The following BFSP2 variants were observed in gnomAD, a reference collection of about 807,000 sequenced individuals.
BFSP2 encodes the protein phakinin.
A neutral mutation model predicts 44.9 loss-of-function variants in BFSP2; 38 were observed. The observed-to-expected ratio is 0.85, with a 90% CI of 0.65 to 1.11. BFSP2 has a LOEUF of 1.11. BFSP2 is among the 50% of genes least tolerant of loss of function. BFSP2 has a pLI of 0.00. For synonymous variants in BFSP2, 197 were observed against 209.9 expected, an observed-to-expected ratio of 0.94 and a Z score of 0.53; for missense variants, 525 against 533.0, an observed-to-expected ratio of 0.99 and a Z score of 0.15.
intron 1 of BFSP2, among the ~76,000 whole-genome samples, chr3:133,416,105 A>T (rs1322342279): frequency 9.8e-6 from 1 of 101,760 alleles, no homozygotes; most frequent in Non-Finnish European, 1.9e-5. Flanking sequence ...GCTATGTCCC[A>T]TCTACTCACC....
intron 1 of BFSP2, among the ~76,000 whole-genome samples, chr3:133,403,583 T>C (rs1208317332): frequency 6.6e-6 from 1 of 152,210 alleles, no homozygotes; most frequent in Non-Finnish European, 1.5e-5. Flanking sequence ...GATGTCCATT[T>C]TGGTGGCACT....
chr3:133,412,447 T>C (rs903569505), intron 1 of BFSP2: 32 of 152,260 alleles, frequency 2.1e-4, no homozygotes, highest in African/African-American at 6.5e-4. Flanking sequence ...CATGAGCGCG[T>C]TGATCAACCG....
intron 4 of BFSP2, among the ~76,000 whole-genome samples, chr3:133,462,519 G>A (rs2074073516): frequency 6.6e-6 from 1 of 152,162 alleles, no homozygotes; most frequent in African/African-American, 2.4e-5. Context: ...TTTGAAACTT[G>A]CCTCCATTCC....
intron 1 of BFSP2, among the ~76,000 whole-genome samples, chr3:133,411,681 A>G (rs1028537601): frequency 2.0e-5 from 3 of 151,024 alleles, no homozygotes; most frequent in Non-Finnish European, 4.4e-5. Context: ...CTTGAAGCCA[A>G]TAGAGGGAAG....
intron 4 of BFSP2, among the ~76,000 whole-genome samples, chr3:133,461,047 T>G (rs1359345758): frequency 1.3e-5 from 2 of 152,160 alleles, no homozygotes; most frequent in African/African-American, 4.8e-5. Flanking sequence ...TCACTCTCCC[T>G]CCTCCTGAAC....
intron 1 of BFSP2, among the ~76,000 whole-genome samples, chr3:133,420,217 G>T (rs897938550): frequency 6.6e-6 from 1 of 152,248 alleles, no homozygotes; most frequent in East Asian, 1.9e-4. Flanking sequence ...GGAGGGGCTT[G>T]TTATGAGGTT....
chr3:133,414,885 ATC>A (rs2073499531), intron 1 of BFSP2, among the ~76,000 whole-genome samples: 1 of 82,796 alleles, frequency 1.2e-5, no homozygotes, highest in Non-Finnish European at 2.2e-5. Context: ...CCCTCTACTC[ATC>A]CCTGTCCTCT....
rs1049584805 is a variant in BFSP2 at position 133,447,246 on chromosome 3, C to T, written c.490-71C>T. 9 of 1,534,962 alleles carry T rather than the reference C, an allele frequency of 5.9e-6. No individual in the cohort carries two copies. In the East Asian group the frequency reaches 9.0e-5, roughly 15 times the overall value. The stretch of plus-strand genomic sequence containing the variant: ...TCCCCCAGAGCCTCTGTGCCTAACA[C>T]AAGTCATGGTGGTAAGTGATCTTGA... On this transcript the variant is annotated intron_variant, in intron 1 of 6. Transcript: ENST00000302334.
chr3:133,429,897 C>A (rs575767179), intron 1 of BFSP2, among the ~76,000 whole-genome samples: 7 of 151,548 alleles, frequency 4.6e-5, no homozygotes, highest in African/African-American at 1.5e-4. Context: ...TAATGCTATC[C>A]CTCCCCACTA....
intron 1 of BFSP2, among the ~76,000 whole-genome samples, chr3:133,419,291 T>C (rs183746678): frequency 2.0e-5 from 3 of 152,250 alleles, no homozygotes; most frequent in African/African-American, 7.2e-5. Flanking sequence ...GCACAGGAAT[T>C]TGGGGGAGGA....
chr3:133,414,469 T>C (rs1189708934), intron 1 of BFSP2, among the ~76,000 whole-genome samples: 5 of 45,428 alleles, frequency 1.1e-4, no homozygotes, highest in East Asian at 7.3e-4. Flanking sequence ...ACCCCTGCCC[T>C]CTCTCCTCTA....
Position 133,466,167 on chromosome 3 carries a change from C to CGG in BFSP2, c.892-654_892-653dup, listed in dbSNP as rs35325595. 3.9e-3 allele frequency among the ~76,000 whole-genome samples: 584 copies of CGG among 150,912 alleles called. 2 individuals carry two copies. Among genetic ancestry groups the CGG allele is most frequent in the East Asian group, 0.021 (110 of 5,120 alleles). On this transcript the variant is annotated intron_variant, in intron 4 of 6. Coordinates refer to ENST00000302334, the MANE Select transcript of BFSP2 (RefSeq NM_003571.4). ...CTAAGATACTTTAAGTACCAAAGCA[C>CGG]GGGGGGGGCAATACATATTTATTTA... is the stretch of plus-strand genomic sequence containing the variant.
intron 4 of BFSP2, among the ~76,000 whole-genome samples, chr3:133,461,260 A>G (rs972416087): frequency 3.9e-5 from 6 of 152,168 alleles, no homozygotes; most frequent in Non-Finnish European, 8.8e-5. Context: ...CTTAGAACAC[A>G]TTGCTTTTCT....
At chr3:133,419,218 C>A (rs2073571152) in intron 1 of BFSP2, among the ~76,000 whole-genome samples, 1 of 152,166 alleles carries the variant, frequency 6.6e-6, no homozygotes, top group Non-Finnish European at 1.5e-5. Context: ...AACCGAATTA[C>A]CTCTTTAAAG....
At chr3:133,450,554 TAAC>T (rs2073954055) in intron 4 of BFSP2, 90 bp downstream of exon 4, 2 of 1,473,100 alleles carry the variant, frequency 1.4e-6, no homozygotes, top group African/African-American at 2.8e-5. Flanking sequence ...GACGAAGAAA[TAAC>T]AACGGTTTAG....
chr3:133,413,524 T>C (rs1372197299), intron 1 of BFSP2, among the ~76,000 whole-genome samples: 2 of 152,110 alleles, frequency 1.3e-5, no homozygotes, highest in Non-Finnish European at 2.9e-5. Context: ...CCAAGCAGAA[T>C]GTTACTCAGG....
chr3:133,418,238 C>T (rs528445651), intron 1 of BFSP2, among the ~76,000 whole-genome samples: 1 of 152,252 alleles, frequency 6.6e-6, no homozygotes, highest in African/African-American at 2.4e-5. Flanking sequence ...TCCCAGCTTT[C>T]AACTTTACTT....
chr3:133,469,392 G>A (rs185561953), intron 5 of BFSP2, among the ~76,000 whole-genome samples: 21 of 152,346 alleles, frequency 1.4e-4, no homozygotes, highest in Admixed American at 3.3e-4. Flanking sequence ...CCAAGCTGGC[G>A]AGACTTTCGG....
chr3:133,435,565 C>T lies in BFSP2; in HGVS notation c.490-11752C>T, dbSNP rs546892777. 3.0e-4 allele frequency among the ~76,000 whole-genome samples: 45 copies of T among 152,174 alleles called. 1 individual carries two copies. Among genetic ancestry groups the T allele is most frequent in the Admixed American group, 9.8e-4 (15 of 15,276 alleles). On this transcript the variant is annotated intron_variant, in intron 1 of 6. Coordinates refer to ENST00000302334, the MANE Select transcript of BFSP2 (RefSeq NM_003571.4). ...CCATTGAAAACTCTGCTCTTGTCTG[C>T]GGCTGAGCTGGGCAAAACAGTGTTG...
Sources: gnomAD v4.1 joint callset for allele counts (sites outside exome capture counted in the v4.1 genomes callset) on GRCh38, gnomAD v4.1.1 for gene constraint, MANE v1.5 for transcripts, NCBI Gene and HGNC (gene_info 2026-07-23, HGNC 2026-07-21) for gene names.